HOXB6: variants seen among roughly 807,000 people sequenced by gnomAD.
HOXB6 encodes homeobox protein Hox-B6.
HOXB6 carries 18 observed loss-of-function variants against 24.2 expected under a neutral mutation model. That is an observed-to-expected ratio of 0.74 (90% confidence interval 0.51 to 1.10). The LOEUF is 1.10. HOXB6 is among the 50% of genes least tolerant of loss of function. HOXB6 has a pLI of 0.00. For synonymous variants in HOXB6, 159 were observed against 139.1 expected, an observed-to-expected ratio of 1.14 and a Z score of -1.01; for missense variants, 332 against 308.3, an observed-to-expected ratio of 1.08 and a Z score of -0.58.
At chr17:48,603,933 C>T (rs1017876007) in intron 2 of HOXB6, 4 of 152,724 alleles carry the variant, frequency 2.6e-5, no homozygotes, top group African/African-American at 9.6e-5. Flanking sequence ...CTAGCCGTTT[C>T]CTCTCCCTCG....
Position 48,597,773 on chromosome 17 carries a change from C to A in HOXB6, c.378G>T (p.Pro126=). 6.2e-7 allele frequency: 1 copy of A among 1,612,846 alleles called. No individual in the cohort carries two copies. The highest frequency in any genetic ancestry group is 8.5e-7 in the Non-Finnish European group (1 of 1,179,516). ...GETEEQKCST[P]VYPWMQRMNS... ...TCATCCGCTGCATCCACGGGTAGAC[C>A]GGAGTGGAGCACTTCTGCTCTTCTG... is the stretch of plus-strand genomic sequence containing the variant. Residue 126 remains proline (P), a synonymous_variant, in exon 3 of 4, where the codon CCG becomes CCT. Transcript: ENST00000225648.
chr17:48,602,731 G>A (rs984115891), intron 2 of HOXB6, among the ~76,000 whole-genome samples: 3 of 152,256 alleles, frequency 2.0e-5, no homozygotes, highest in Admixed American at 2.0e-4. Flanking sequence ...TTGCGGCGCC[G>A]AAGCCGCGTG....
At position 48,600,068 on chromosome 17, in the gene HOXB6, T is replaced by C. The variant is rs145840225; in HGVS notation, c.-78-1840A>G. Among the ~76,000 whole-genome samples, 8 of 152,346 alleles carry C rather than the reference T, an allele frequency of 5.3e-5. No individual in the cohort carries two copies. The East Asian group carries it at 1.5e-3, about 29-fold the overall frequency. On this transcript the variant is annotated intron_variant, in intron 2 of 3. Coordinates refer to ENST00000225648, the MANE Select transcript of HOXB6 (RefSeq NM_018952.5). ...CCAATTACTTCCTAACCTGACTCTG[T>C]GGGAGTGTTTGATAAGCATTTAAGA...
chr17:48,596,459 G>T lies in HOXB6; in HGVS notation c.629C>A (p.Ala210Glu). 1 of 1,614,214 alleles carries T rather than the reference G, an allele frequency of 6.2e-7. No individual in the cohort carries two copies. The highest frequency in any genetic ancestry group is 8.5e-7 in the Non-Finnish European group (1 of 1,180,036). The change falls in exon 4 of 4, where the codon GCG (alanine) becomes GAG (glutamate). Residue 210 changes from alanine to glutamate, a missense_variant. Transcript: ENST00000225648. The surrounding 1 kb of genome is among the most constrained non-coding windows in gnomAD (Gnocchi z 4.8). ...CTCCTCCTCGGCACTGAGCTGAGAC[G>T]CGCTGAGCAGTTTGCTCTCCTTTTT... is the stretch of plus-strand genomic sequence containing the variant. Reference protein sequence around the residue: ...KWKKESKLLSASQLSAEEEEE... With the variant: ...KWKKESKLLSESQLSAEEEEE...
Position 48,598,036 on chromosome 17 carries a change from A to G in HOXB6, c.115T>C (p.Tyr39His). Residue 39 changes from tyrosine (Y) to histidine (H), a missense_variant, in exon 3 of 4, where the codon TAC becomes CAC. Tyr to His is a moderately conservative substitution (Grantham distance 83). Coordinates refer to ENST00000225648, the MANE Select transcript of HOXB6 (RefSeq NM_018952.5). ...GGCCCTGGCCCGTAGGGCGCGGGGT[A>G]ATGTCTCAGCGGGTCCGCATAGCCC... Reference protein sequence around the residue: ...SSGYADPLRHYPAPYGPGPGQ... With the variant: ...SSGYADPLRHHPAPYGPGPGQ... 5 of 1,600,808 alleles carry G rather than the reference A, an allele frequency of 3.1e-6. No homozygotes were observed. Among genetic ancestry groups the G allele is most frequent in the Non-Finnish European group, 4.3e-6 (5 of 1,174,208 alleles).
Position 48,596,619 on chromosome 17 carries a change from G to GT in HOXB6, c.468_469insA (p.Gln157ThrfsTer159). Reference sequence around the variant, plus strand: ...AACTCCTTCTCCAGCTCCAGCGTCTGGTAACGTGTGTATGTCTGGCGGCCT... The same window carrying GT: ...AACTCCTTCTCCAGCTCCAGCGTCTGTGTAACGTGTGTATGTCTGGCGGCCT... On this transcript the variant is annotated frameshift_variant, in exon 4 of 4. Transcript: ENST00000225648. LOFTEE classifies it high-confidence loss of function. The surrounding 1 kb of genome is among the most constrained non-coding windows in gnomAD (Gnocchi z 4.8). 6.2e-7 allele frequency: 1 copy of GT among 1,614,146 alleles called. No homozygotes were observed.
At chr17:48,602,111 G>A (rs2070481719) in intron 2 of HOXB6, 6 of 455,990 alleles carry the variant, frequency 1.3e-5, no homozygotes, top group South Asian at 7.7e-5. Flanking sequence ...ATGGAGGAGG[G>A]GATCGGCACT....
chr17:48,595,982 A>G lies in HOXB6; in HGVS notation c.*431T>C. The G allele has an allele frequency of 2.2e-6, 1 of 450,050 alleles. No individual in the cohort carries two copies. Among genetic ancestry groups the G allele is most frequent in the Non-Finnish European group, 4.5e-6 (1 of 222,846 alleles). 27.9% of individuals were successfully genotyped at this position (450,050 alleles called of 1,614,324 possible). A position where few individuals can be genotyped will look rare whatever the true frequency, so the allele number is the denominator to read the frequency against. ...TGGCTTTGGGGAGGGGGTGGGAGAG[A>G]CGACAGGTCTGGGATCAGGGAGTCT... On this transcript the variant is annotated 3_prime_UTR_variant, in exon 4 of 4. Coordinates refer to ENST00000225648, the MANE Select transcript of HOXB6 (RefSeq NM_018952.5).
Position 48,597,928 on chromosome 17 carries a change from C to CG in HOXB6, c.222dup (p.Gly75ArgfsTer241). On this transcript the variant is annotated frameshift_variant, in exon 3 of 4. Coordinates refer to ENST00000225648, the MANE Select transcript of HOXB6 (RefSeq NM_018952.5). LOFTEE classifies it high-confidence loss of function. ...TCGCGGTAGAAGGCCGGCGCCGGCC[C>CG]GTAGTCGCAGGGCGCCGCTCGGCCG... 6.4e-7 allele frequency: 1 copy of CG among 1,574,480 alleles called. No individual in the cohort carries two copies. The highest frequency in any genetic ancestry group is 1.2e-5 in the South Asian group (1 of 86,748).
chr17:48,598,086 A>G lies in HOXB6; in HGVS notation c.65T>C (p.Leu22Pro). 2 of 1,605,072 alleles carry G rather than the reference A, an allele frequency of 1.2e-6. No individual in the cohort carries two copies. The highest frequency in any genetic ancestry group is 1.7e-6 in the Non-Finnish European group (2 of 1,175,034). The change falls in exon 3 of 4, where the codon CTG becomes CCG. Residue 22 changes from leucine (L) to proline (P), a missense_variant. Leu to Pro is a moderately conservative substitution (Grantham distance 98, BLOSUM62 -3). Coordinates refer to ENST00000225648, the MANE Select transcript of HOXB6 (RefSeq NM_018952.5). The stretch of plus-strand genomic sequence containing the variant: ...CGACGAATAGAGCGGTAGCTGGCCC[A>G]GGAAGGACTCCTGCCCGCTGGCCAG... ...VTLASGQESFLGQLPLYSSGY... is the reference protein window; with the variant it reads ...VTLASGQESFPGQLPLYSSGY...
chr17:48,598,335 A>C, intron 2 of HOXB6, 107 bp from the exon 3 acceptor site: 1 of 594,954 alleles, frequency 1.7e-6, no homozygotes, highest in Non-Finnish European at 2.8e-6. Flanking sequence ...GACCAATGGC[A>C]GAGGCAGGAA....
rs1433529312 is a variant in HOXB6, at chr17:48,597,857, C to T, written c.294G>A (p.Pro98=). 2 of 1,596,794 alleles carry T rather than the reference C, an allele frequency of 1.3e-6. No homozygotes were observed. The highest frequency in any genetic ancestry group is 1.7e-4 in the Middle Eastern group (1 of 6,056). Residue 98 remains proline (P), a synonymous_variant, in exon 3 of 4, where the codon CCG becomes CCA. Transcript: ENST00000225648. ...CCGACTTCCGCGGCTCGGGGTGGAA[C>T]GGGGGCTGCTCGTCGGCGCCGGAGA... is the stretch of plus-strand genomic sequence containing the variant. ...CALSGADEQP[P]FHPEPRKSDC...
At chr17:48,599,740 G>T (rs1314528757) in intron 2 of HOXB6, among the ~76,000 whole-genome samples, 2 of 152,204 alleles carry the variant, frequency 1.3e-5, no homozygotes, top group East Asian at 3.8e-4. Flanking sequence ...ACATACACAG[G>T]CCAAGTAGTG....
rs139172289 is a variant in HOXB6, at chr17:48,595,804, T to TATTATTATC, written c.*608_*609insGATAATAAT. The TATTATTATC allele has an allele frequency of 9.2e-4, 175 of 190,658 alleles. 1 individual carries two copies. The highest frequency in any genetic ancestry group is 2.5e-3 in the East Asian group (17 of 6,742). 11.8% of individuals were successfully genotyped at this position (190,658 alleles called of 1,614,324 possible). A position where few individuals can be genotyped will look rare whatever the true frequency, so the allele number is the denominator to read the frequency against. ...TTGTTGTTGTTATTATTATTATTAT[T>TATTATTATC]ATCATCATCATCATCATCATCATCA... On this transcript the variant is annotated 3_prime_UTR_variant, in exon 4 of 4. Transcript: ENST00000225648.
rs375075188 is a variant in HOXB6, at chr17:48,595,787, GTTA to G, written c.*623_*625del. ...CATCTTTATTATTGTTGTTGTTGTT[GTTA>G]TTATTATTATTATTATCATCATCAT... On this transcript the variant is annotated 3_prime_UTR_variant, in exon 4 of 4. Transcript: ENST00000225648. 1.6e-3 allele frequency: 271 copies of G among 172,244 alleles called. No individual in the cohort carries two copies. Among genetic ancestry groups the G allele is most frequent in the South Asian group, 3.2e-3 (39 of 12,276 alleles). 10.7% of individuals were successfully genotyped at this position (172,244 alleles called of 1,614,324 possible). A position where few individuals can be genotyped will look rare whatever the true frequency, so the allele number is the denominator to read the frequency against.
At chr17:48,600,991 C>CAT (rs143143868) in intron 2 of HOXB6, among the ~76,000 whole-genome samples, 1 of 145,660 alleles carries the variant, frequency 6.9e-6, no homozygotes, top group African/African-American at 2.5e-5. Flanking sequence ...GGGATATTTG[C>CAT]GTGTGTGTGT....
chr17:48,596,321 C>A lies in HOXB6; in HGVS notation c.*92G>T. 1 of 1,589,138 alleles carries A rather than the reference C, an allele frequency of 6.3e-7. No homozygotes were observed. The highest frequency in any genetic ancestry group is 1.1e-5 in the South Asian group (1 of 90,272). On this transcript the variant is annotated 3_prime_UTR_variant, in exon 4 of 4. Coordinates refer to ENST00000225648, the MANE Select transcript of HOXB6 (RefSeq NM_018952.5). The surrounding 1 kb of genome is among the most constrained non-coding windows in gnomAD (Gnocchi z 4.8). ...GCCGGAGAGCAGGTCTCCTGGCTCC[C>A]CCACCCGAGAGCCTTCCTTCCCGGG...
At position 48,597,847 on chromosome 17, in the gene HOXB6, CG is replaced by C; in HGVS notation, c.303del (p.Glu102SerfsTer33). The C allele has an allele frequency of 6.3e-7, 1 of 1,598,264 alleles. No individual in the cohort carries two copies. The highest frequency in any genetic ancestry group is 1.1e-5 in the South Asian group (1 of 89,122). ...TGCGCGCAGTCCGACTTCCGCGGCT[CG>C]GGGTGGAACGGGGGCTGCTCGTCGG... ...SGADEQPPFHPEPRKSDCAQD... is the reference protein window; with the variant it reads ...SGADEQPPFHXEPRKSDCAQD... On this transcript the variant is annotated frameshift_variant, in exon 3 of 4. Transcript: ENST00000225648. LOFTEE classifies it high-confidence loss of function.
In HOXB6 at chr17:48,600,889, T is replaced by C. The variant is rs74889693; in HGVS notation, c.-78-2661A>G. Among the ~76,000 whole-genome samples, 60 of 152,326 alleles carry C rather than the reference T, an allele frequency of 3.9e-4. No individual in the cohort carries two copies. The East Asian group carries it at 7.9e-3, about 20-fold the overall frequency. ...TTTCTATGCTGTGAGTCTGCAGTCC[T>C]GTGGGCAAGCTAACACATTCCAGCT... is the stretch of plus-strand genomic sequence containing the variant. On this transcript the variant is annotated intron_variant, in intron 2 of 3. Coordinates refer to ENST00000225648, the MANE Select transcript of HOXB6 (RefSeq NM_018952.5).
Sources: gnomAD v4.1 joint callset for allele counts (sites outside exome capture counted in the v4.1 genomes callset) on GRCh38, gnomAD v4.1.1 for gene constraint, Gnocchi (gnomAD v3.1) non-coding constraint, MANE v1.5 for transcripts, NCBI Gene and HGNC (gene_info 2026-07-23, HGNC 2026-07-21) for gene names.